Variants in SPRY3 observed in about 807,000 individuals in gnomAD.
The protein encoded by SPRY3 is sprouty RTK signaling antagonist 3, also known as protein sprouty homolog 3.
SPRY3 carries 15 observed loss-of-function variants against 20.2 expected under a neutral mutation model. That is an observed-to-expected ratio of 0.74 (90% CI 0.50 to 1.14). SPRY3 has a LOEUF of 1.14. SPRY3 is among the 50% of genes most tolerant of loss of function. The pLI, the probability that SPRY3 is intolerant of heterozygous loss-of-function variation, is 0.00. For missense variants in SPRY3, 364 were observed against 363.9 expected (o/e 1.00, Z 0.00); for synonymous variants, 143 against 136.5 (o/e 1.05, Z -0.33).
At chrX:155,710,447 G>T (rs1375537533) in intron 2 of SPRY3, among the ~76,000 whole-genome samples, 4 of 150,978 alleles carry the variant, frequency 2.6e-5, no homozygotes, top group South Asian at 2.1e-4. Flanking sequence ...ATTACTTTTT[G>T]ATTTTTTTCA....
intron 1 of SPRY3, among the ~76,000 whole-genome samples, chrX:155,639,003 C>G (rs1345066217): frequency 4.5e-5 from 5 of 111,452 alleles, no homozygotes; most frequent in African/African-American, 1.6e-4. Flanking sequence ...CTACAGGACT[C>G]ACTCCTTTTG....
intron 2 of SPRY3, among the ~76,000 whole-genome samples, chrX:155,694,502 T>C (rs1168955287): frequency 9.0e-6 from 1 of 111,682 alleles, no homozygotes; most frequent in Non-Finnish European, 1.9e-5. Context: ...GAAGACAATT[T>C]TTCCATGGAC....
At chrX:155,626,495 G>A (rs951883315) in intron 1 of SPRY3, among the ~76,000 whole-genome samples, 18 of 111,101 alleles carry the variant, frequency 1.6e-4, no homozygotes, top group Non-Finnish European at 7.6e-5. Context: ...CCATCTGTGA[G>A]TAGTCTTTTC....
At chrX:155,724,805 T>A (rs997206225) in intron 2 of SPRY3, among the ~76,000 whole-genome samples, 1 of 152,162 alleles carries the variant, frequency 6.6e-6, no homozygotes, top group African/African-American at 2.4e-5. Flanking sequence ...TTGAATACCA[T>A]TTATTTCTTT....
intron 2 of SPRY3, among the ~76,000 whole-genome samples, chrX:155,739,734 CCTGA>C (rs1010145056): frequency 3.0e-4 from 46 of 152,172 alleles, no homozygotes; most frequent in Non-Finnish European, 4.9e-4. Flanking sequence ...GGAAGAGTGG[CCTGA>C]CTGTTAAAAG....
exon 4 of SPRY3, chrX:155,774,759 A>G: frequency 6.3e-7 from 1 of 1,593,594 alleles, no homozygotes; most frequent in African/African-American, 1.3e-5. Context: ...AGGTGGATCC[A>G]GAGCTTTTCT....
At chrX:155,726,570 G>A (rs1286205347) in intron 2 of SPRY3, among the ~76,000 whole-genome samples, 1 of 152,114 alleles carries the variant, frequency 6.6e-6, no homozygotes, top group African/African-American at 2.4e-5. Context: ...TTACCATTAT[G>A]TAATGGCCTT....
At chrX:155,665,765 G>A (rs922441869) in intron 2 of SPRY3, among the ~76,000 whole-genome samples, 4 of 111,128 alleles carry the variant, frequency 3.6e-5, no homozygotes, top group Non-Finnish European at 1.9e-5. Flanking sequence ...TGAGAAGTGG[G>A]GGATGAAGGA....
At chrX:155,770,448 C>A (rs1381122753) in intron 3 of SPRY3, among the ~76,000 whole-genome samples, 2 of 152,050 alleles carry the variant, frequency 1.3e-5, no homozygotes, top group Admixed American at 6.6e-5. Flanking sequence ...TTCAGGGCTA[C>A]AGAAAAACTG....
At chrX:155,781,438 A>G (rs897531947), downstream of SPRY3, 1 of 167,004 alleles carries the variant, frequency 6.0e-6, no homozygotes, top group Non-Finnish European at 1.5e-5. Flanking sequence ...CAGATTTGAG[A>G]AAATTGAATC....
Position 155,757,265 on chromosome X carries a change from G to A in SPRY3, c.-281-10697G>A, listed in dbSNP as rs191038821. On this transcript the variant is annotated intron_variant, in intron 2 of 3. Coordinates refer to ENST00000675360, the Ensembl canonical transcript of SPRY3. ...CGTGCTGATCTCTTTGCTCCTCCTA[G>A]AACACATCAAGTACATTCTGGCCTC... Among the ~76,000 whole-genome samples the A allele has an allele frequency of 2.2e-3, 338 of 152,092 alleles. 1 individual carries two copies. Among genetic ancestry groups the A allele is most frequent in the African/African-American group, 7.7e-3 (320 of 41,484 alleles).
In SPRY3 at chrX:155,670,606, A is replaced by G. The variant is rs782256520; in HGVS notation, c.-282+13581A>G. 7.1e-5 allele frequency among the ~76,000 whole-genome samples: 8 copies of G among 112,043 alleles called. No homozygotes were observed. The East Asian group carries it at 1.4e-3, about 20-fold the overall frequency. On this transcript the variant is annotated intron_variant, in intron 2 of 3. Coordinates refer to ENST00000675360, the Ensembl canonical transcript of SPRY3. The stretch of plus-strand genomic sequence containing the variant: ...TGTAAAATGAAGACATTAGAGTAGA[A>G]TGTTTCTTTTATTTGTATTTTTCTT...
At chrX:155,762,314 G>T (rs1000175225) in intron 2 of SPRY3, among the ~76,000 whole-genome samples, 3 of 152,146 alleles carry the variant, frequency 2.0e-5, no homozygotes, top group Non-Finnish European at 4.4e-5. Context: ...TAGTTGGAAA[G>T]ATAAGACATA....
chrX:155,736,457 A>G (rs2091170170), intron 2 of SPRY3, among the ~76,000 whole-genome samples: 2 of 151,998 alleles, frequency 1.3e-5, no homozygotes, highest in South Asian at 4.2e-4. Flanking sequence ...TTAATTGGAT[A>G]TAGAACTCTA....
chrX:155,616,107 T>TCCCTCTCTCTCTCTCTCC (rs201379056), intron 1 of SPRY3, among the ~76,000 whole-genome samples: 1 of 52,318 alleles, frequency 1.9e-5, no homozygotes, highest in Non-Finnish European at 4.5e-5. Flanking sequence ...GGGGTCTCTC[T>TCCCTCTCTCTCTCTCTCC]CTCTCTCTCT....
chrX:155,703,839 C>T (rs1036912454), intron 2 of SPRY3, among the ~76,000 whole-genome samples: 4 of 151,872 alleles, frequency 2.6e-5, no homozygotes, highest in African/African-American at 9.7e-5. Context: ...TGGGGAAACC[C>T]TTAATCTCAT....
At chrX:155,730,487 C>T (rs1394632454) in intron 2 of SPRY3, among the ~76,000 whole-genome samples, 3 of 152,180 alleles carry the variant, frequency 2.0e-5, no homozygotes, top group Non-Finnish European at 2.9e-5. Flanking sequence ...AATTTGACAT[C>T]GCTTCATTAT....
intron 2 of SPRY3, among the ~76,000 whole-genome samples, chrX:155,736,309 C>T (rs1368559989): frequency 6.6e-6 from 1 of 151,732 alleles, no homozygotes; most frequent in Non-Finnish European, 1.5e-5. Context: ...TGTGTCTGAC[C>T]TATATCATTT....
intron 2 of SPRY3, chrX:155,669,681 T>G (rs973679783): frequency 4.5e-5 from 5 of 111,466 alleles, no homozygotes; most frequent in African/African-American, 1.6e-4. Flanking sequence ...AGGTGAAAAA[T>G]TATAGGATCA....
Sources: allele counts gnomAD v4.1 joint callset (sites outside exome capture counted in the v4.1 genomes callset), GRCh38; gene constraint gnomAD v4.1.1; transcripts MANE v1.5; gene names NCBI Gene and HGNC (gene_info 2026-07-23, HGNC 2026-07-21).